DLGAP2: variants seen among roughly 807,000 people sequenced by gnomAD.
DLGAP2 encodes DLG associated protein 2.
A neutral mutation model predicts 100.3 loss-of-function variants in DLGAP2; 26 were observed. The ratio of observed to expected loss-of-function variants is 0.26; its 90% CI spans 0.19 to 0.36. The LOEUF is 0.36. Ranked by LOEUF, DLGAP2 falls within the 10% of genes least tolerant of loss-of-function variation. DLGAP2 has a pLI of 1.00. For missense variants in DLGAP2, 1,858 were observed against 1,453.2 expected, an observed-to-expected ratio of 1.28 and a Z score of -4.53; for synonymous variants, 886 against 630.1, an observed-to-expected ratio of 1.41 and a Z score of -6.08.
At chr8:1,187,881 C>A (rs1452181072) in intron 2 of DLGAP2, among the ~76,000 whole-genome samples, 1 of 117,600 alleles carries the variant, frequency 8.5e-6, no homozygotes, top group Admixed American at 7.9e-5. Context: ...GTTTGCCTCA[C>A]GGAATCTCAC....
At chr8:960,386 C>T (rs895477198) in intron 2 of DLGAP2, among the ~76,000 whole-genome samples, 1 of 151,780 alleles carries the variant, frequency 6.6e-6, no homozygotes, top group Non-Finnish European at 1.5e-5. Context: ...CAGGCAGGCA[C>T]CACCACGCCA....
At position 1,530,866 on chromosome 8, in the gene DLGAP2, G is replaced by A. The variant is rs182771714; in HGVS notation, c.173-17760G>A. ...TCCAGCAGAGGTAGGTGAAGACTTGGGGTCAGAAGAGACTGTTTCCTATGT... is the reference window on the plus strand; with the variant it reads ...TCCAGCAGAGGTAGGTGAAGACTTGAGGTCAGAAGAGACTGTTTCCTATGT... On this transcript the variant is annotated intron_variant, in intron 4 of 14. Transcript: ENST00000637795. 1.8e-4 allele frequency among the ~76,000 whole-genome samples: 27 copies of A among 152,276 alleles called. No individual in the cohort carries two copies. In the East Asian group the frequency reaches 5.0e-3, roughly 28 times the overall value.
intron 4 of DLGAP2, among the ~76,000 whole-genome samples, chr8:1,526,593 G>C (rs184676464): frequency 3.4e-4 from 52 of 152,324 alleles, no homozygotes; most frequent in Non-Finnish European, 2.9e-5. Flanking sequence ...ACGGTGGTGA[G>C]TCCTGGCTGA....
At chr8:1,475,322 A>G (rs2130220841) in intron 3 of DLGAP2, among the ~76,000 whole-genome samples, 1 of 152,288 alleles carries the variant, frequency 6.6e-6, no homozygotes, top group South Asian at 2.1e-4. Flanking sequence ...AAACGTTAAA[A>G]AAGAAAAAAA....
chr8:1,678,795 T>G, intron 12 of DLGAP2, 166 bp downstream of exon 12: 1 of 772,620 alleles, frequency 1.3e-6, no homozygotes, highest in Non-Finnish European at 1.9e-6. Flanking sequence ...AAGATATAAA[T>G]TACATGAAAA....
At chr8:1,438,360 C>G (rs920712805) in intron 3 of DLGAP2, among the ~76,000 whole-genome samples, 4 of 152,120 alleles carry the variant, frequency 2.6e-5, no homozygotes, top group African/African-American at 7.2e-5. Flanking sequence ...GCGTTTTGGT[C>G]TTAAATCTCA....
rs183582314 is a variant in DLGAP2, at chr8:853,426, C to T, written c.19-54486C>T. ...GGTCTGCTCAGATAGACAGCCCTGC[C>T]AGCAGGAGAGCAGGTGTGTGGTATA... On this transcript the variant is annotated intron_variant, in intron 1 of 14. Transcript: ENST00000637795. Among the ~76,000 whole-genome samples the T allele has an allele frequency of 4.1e-4, 63 of 152,346 alleles. No homozygotes were observed. In the East Asian group the frequency reaches 8.1e-3, roughly 20 times the overall value.
chr8:1,044,352 G>C (rs1281158675), intron 2 of DLGAP2, among the ~76,000 whole-genome samples: 1 of 152,188 alleles, frequency 6.6e-6, no homozygotes, highest in African/African-American at 2.4e-5. Flanking sequence ...GTGTTGCCTT[G>C]GCAAAGCCCT....
chr8:829,654 C>A (rs116906278), intron 1 of DLGAP2, among the ~76,000 whole-genome samples: 1 of 151,958 alleles, frequency 6.6e-6, no homozygotes, highest in Non-Finnish European at 1.5e-5. Flanking sequence ...ATATGTCTTA[C>A]CATAGAAAAA....
At chr8:1,359,987 C>T (rs1406723998) in intron 3 of DLGAP2, among the ~76,000 whole-genome samples, 2 of 152,228 alleles carry the variant, frequency 1.3e-5, no homozygotes, top group Non-Finnish European at 2.9e-5. Context: ...CAGCACACCT[C>T]AGCATCGCCG....
intron 2 of DLGAP2, among the ~76,000 whole-genome samples, chr8:1,189,990 A>C (rs554826340): frequency 6.6e-6 from 1 of 152,294 alleles, no homozygotes; most frequent in East Asian, 1.9e-4. Context: ...ACACCATTAA[A>C]AGGAGAACCC....
intron 1 of DLGAP2, among the ~76,000 whole-genome samples, chr8:857,579 C>G (rs1241706680): frequency 6.6e-6 from 1 of 152,168 alleles, no homozygotes; most frequent in Non-Finnish European, 1.5e-5. Context: ...AAAAGATACT[C>G]CATGTCATGT....
intron 2 of DLGAP2, among the ~76,000 whole-genome samples, chr8:1,096,861 A>C (rs1183093573): frequency 1.5e-5 from 2 of 129,050 alleles, no homozygotes; most frequent in Admixed American, 1.5e-4. Context: ...GCAGGCCTTC[A>C]CCCTCTGTGG....
chr8:1,391,969 G>A (rs923110566), intron 3 of DLGAP2, among the ~76,000 whole-genome samples: 2 of 152,250 alleles, frequency 1.3e-5, no homozygotes, highest in African/African-American at 2.4e-5. Context: ...TTGTGATGCT[G>A]TAGGATCTTT....
intron 3 of DLGAP2, among the ~76,000 whole-genome samples, chr8:1,291,465 A>G (rs1800056345): frequency 6.6e-6 from 1 of 152,164 alleles, no homozygotes; most frequent in East Asian, 1.9e-4. Flanking sequence ...CAAGAATGAA[A>G]GGCAGACGTA....
chr8:1,424,815 G>A (rs902013663), intron 3 of DLGAP2, among the ~76,000 whole-genome samples: 3 of 152,264 alleles, frequency 2.0e-5, no homozygotes, highest in East Asian at 1.9e-4. Flanking sequence ...CCCCTTATAC[G>A]CAGCACCTGG....
intron 2 of DLGAP2, among the ~76,000 whole-genome samples, chr8:1,024,006 A>AG (rs1801707403): frequency 6.6e-6 from 1 of 151,450 alleles, no homozygotes; most frequent in Admixed American, 6.6e-5. Context: ...CTTGTGTCTC[A>AG]GGGCCCCTGT....
At chr8:1,366,075 A>T (rs1458935277) in intron 3 of DLGAP2, among the ~76,000 whole-genome samples, 1 of 152,224 alleles carries the variant, frequency 6.6e-6, no homozygotes. Context: ...GATGTGCCTT[A>T]TGTCACTGTG....
chr8:994,441 C>A (rs1252983220), intron 2 of DLGAP2, among the ~76,000 whole-genome samples: 1 of 152,118 alleles, frequency 6.6e-6, no homozygotes, highest in South Asian at 2.1e-4. Flanking sequence ...CTCAGGTGAT[C>A]CGTCTGCCTC....
Sources: allele counts gnomAD v4.1 joint callset (sites outside exome capture counted in the v4.1 genomes callset), GRCh38; gene constraint gnomAD v4.1.1; transcripts MANE v1.5; gene names NCBI Gene and HGNC (gene_info 2026-07-23, HGNC 2026-07-21).